The following CACNA1S variants were observed in gnomAD, a reference collection of about 807,000 sequenced individuals.
CACNA1S encodes calcium voltage-gated channel subunit alpha1 S.
CACNA1S carries 126 observed loss-of-function variants against 207.4 expected under a neutral mutation model. The observed-to-expected ratio is 0.61, with a 90% CI of 0.53 to 0.70. The LOEUF (loss-of-function observed/expected upper bound fraction) is 0.70. Among genes scored for constraint, CACNA1S ranks in the 30% least tolerant of loss-of-function variants. The pLI, the probability that CACNA1S is intolerant of heterozygous loss-of-function variation, is 0.00. For synonymous variants in CACNA1S, 960 were observed against 932.7 expected (o/e 1.03, Z -0.53); for missense variants, 2,349 against 2,422.8 (o/e 0.97, Z 0.64).
chr1:201,068,584 G>A lies in CACNA1S; in HGVS notation c.2550+553C>T, dbSNP rs66839237. ...AGCTAACTGTATGGAAGAAAAATGC[G>A]AGAGTTCGCTGGGCGAGGTGGCTCA... is the stretch of plus-strand genomic sequence containing the variant. On this transcript the variant is annotated intron_variant, in intron 19 of 43. Transcript: ENST00000362061. 4.0e-5 allele frequency among the ~76,000 whole-genome samples: 6 copies of A among 150,504 alleles called. No individual in the cohort carries two copies. The East Asian group carries it at 1.2e-3, about 30-fold the overall frequency.
intron 36 of CACNA1S, among the ~76,000 whole-genome samples, chr1:201,048,025 G>A (rs935606706): frequency 6.6e-6 from 1 of 152,228 alleles, no homozygotes; most frequent in Non-Finnish European, 1.5e-5. Flanking sequence ...TGCTAATGAA[G>A]CTCACCCTGA....
At chr1:201,052,680 C>A (rs1437294824) in intron 31 of CACNA1S, 32 bp from the exon 32 acceptor site, 2 of 1,562,528 alleles carry the variant, frequency 1.3e-6, no homozygotes, top group South Asian at 2.2e-5. Flanking sequence ...GACTGTGGAA[C>A]CTAGATTAAA....
chr1:201,048,646 G>A lies in CACNA1S; in HGVS notation c.4377C>T (p.Gly1459=), dbSNP rs138189035. Residue 1459 remains glycine, a synonymous_variant, in exon 36 of 44, where the codon GGC becomes GGT. Transcript: ENST00000362061. ...AGAGTGTGGCATTGAAGGTGACTGTGCCGTCGCTGTTCAGGGGCATGTTCA... is the reference window on the plus strand; with the variant it reads ...AGAGTGTGGCATTGAAGGTGACTGTACCGTCGCTGTTCAGGGGCATGTTCA... The part of the protein sequence containing the change: ...VGMNMPLNSD[G]TVTFNATLFA... 1.9e-5 allele frequency: 30 copies of A among 1,613,654 alleles called. No individual in the cohort carries two copies. In the African/African-American group the frequency reaches 3.5e-4, roughly 19 times the overall value.
chr1:201,070,422 G>C lies in CACNA1S; in HGVS notation c.2228-18C>G. 3.1e-6 allele frequency: 5 copies of C among 1,613,402 alleles called. No homozygotes were observed. The highest frequency in any genetic ancestry group is 4.2e-6 in the Non-Finnish European group (5 of 1,179,936). Reference sequence around the variant, plus strand: ...GTCATCCCCTGTGGGGAGAGAGAGAGGAATTAGGGGTGTCTTCCCATGCTT... The same window carrying C: ...GTCATCCCCTGTGGGGAGAGAGAGACGAATTAGGGGTGTCTTCCCATGCTT... On this transcript the variant is annotated intron_variant, in intron 16 of 43. Transcript: ENST00000362061.
chr1:201,097,354 C>T (rs547510400), intron 2 of CACNA1S, among the ~76,000 whole-genome samples: 1 of 152,264 alleles, frequency 6.6e-6, no homozygotes, highest in South Asian at 2.1e-4. Context: ...CCTTGCTGAC[C>T]CCTCTGGCCT....
intron 10 of CACNA1S, among the ~76,000 whole-genome samples, chr1:201,078,722 G>A (rs1240448671): frequency 6.6e-6 from 1 of 151,920 alleles, no homozygotes; most frequent in Non-Finnish European, 1.5e-5. Flanking sequence ...ATCCTCCCAC[G>A]CTTTGCCCCC....
intron 2 of CACNA1S, among the ~76,000 whole-genome samples, chr1:201,107,953 C>T (rs528461448): frequency 6.6e-6 from 1 of 152,276 alleles, no homozygotes; most frequent in South Asian, 2.1e-4. Flanking sequence ...TTGCAGGGAA[C>T]TCATAATACT....
intron 12 of CACNA1S, 58 bp downstream of exon 12, chr1:201,076,862 A>T: frequency 2.0e-6 from 3 of 1,489,754 alleles, no homozygotes; most frequent in Non-Finnish European, 2.8e-6. Context: ...ATCTTGAAGG[A>T]CAAGAAGCAG....
chr1:201,074,801 C>A (rs1354841074), intron 13 of CACNA1S, among the ~76,000 whole-genome samples, 181 bp from the exon 14 acceptor site: 1 of 152,202 alleles, frequency 6.6e-6, no homozygotes, highest in Non-Finnish European at 1.5e-5. Context: ...TGAGAGTACC[C>A]AGGAAGGAGC....
intron 34 of CACNA1S, 71 bp from the exon 35 acceptor site, chr1:201,049,170 T>C (rs1660571577): frequency 2.8e-6 from 3 of 1,060,612 alleles, no homozygotes; most frequent in African/African-American, 1.6e-5. Context: ...GCTCAGAGGA[T>C]GGGCAATGGG....
At chr1:201,057,687 C>T (rs1198769324) in intron 28 of CACNA1S, among the ~76,000 whole-genome samples, 2 of 152,182 alleles carry the variant, frequency 1.3e-5, no homozygotes, top group African/African-American at 2.4e-5. Context: ...AAGGGCTCAG[C>T]GCGGTGGCTC....
chr1:201,083,845 T>C (rs948544332), intron 9 of CACNA1S, among the ~76,000 whole-genome samples: 3 of 152,228 alleles, frequency 2.0e-5, no homozygotes. Flanking sequence ...ACTTGAACTC[T>C]TGTGCTCAAG....
At chr1:201,043,581 T>TG (rs772699395) in intron 39 of CACNA1S, 50 bp from the exon 40 acceptor site, 7 of 1,556,506 alleles carry the variant, frequency 4.5e-6, no homozygotes, top group Admixed American at 1.7e-5. Flanking sequence ...AGGGAGGGCA[T>TG]GGGGGGCTGT....
At position 201,053,638 on chromosome 1, in the gene CACNA1S, G is replaced by C. The variant is rs1220925143; in HGVS notation, c.3667-51C>G. 1 of 1,016,366 alleles carries C rather than the reference G, an allele frequency of 9.8e-7. No homozygotes were observed. The highest frequency in any genetic ancestry group is 1.5e-6 in the Non-Finnish European group (1 of 678,154). The allele number at this position is 1,016,366 out of a possible 1,614,324, so 63.0% of individuals were successfully genotyped here. On this transcript the variant is annotated intron_variant, in intron 29 of 43. Transcript: ENST00000362061. This position sits in a 1 kb window ranked among gnomAD's most constrained non-coding sequence, Gnocchi z 5.1. Reference sequence around the variant, plus strand: ...AGTCTGGGGGCAGAACCTCAGAGGGGTAAGGGGCAGGGCGGGGAGGGAGGT... The same window carrying C: ...AGTCTGGGGGCAGAACCTCAGAGGGCTAAGGGGCAGGGCGGGGAGGGAGGT...
At chr1:201,083,100 AT>A in intron 10 of CACNA1S, 61 bp downstream of exon 10, 1 of 1,580,942 alleles carries the variant, frequency 6.3e-7, no homozygotes, top group Non-Finnish European at 8.7e-7. Context: ...CCATTGGCTG[AT>A]TTTGACATCA....
At position 201,062,491 on chromosome 1, in the gene CACNA1S, G is replaced by A. The variant is rs138328785; in HGVS notation, c.2877C>T (p.Asp959=). Residue 959 remains aspartate, a synonymous_variant, in exon 23 of 44, where the codon GAC becomes GAT. Coordinates refer to ENST00000362061, the MANE Select transcript of CACNA1S (RefSeq NM_000069.3). ...LFKGKFFRCT[D]LSKMTEEECR... ...ACTCCTCCTCTGTCATCTTGGACAAGTCGGTGCACCTGAAGAACTTCCCCT... is the reference window on the plus strand; with the variant it reads ...ACTCCTCCTCTGTCATCTTGGACAAATCGGTGCACCTGAAGAACTTCCCCT... 8.7e-5 allele frequency: 141 copies of A among 1,613,766 alleles called. No individual in the cohort carries two copies. The highest frequency in any genetic ancestry group is 1.1e-4 in the Non-Finnish European group (132 of 1,179,874).
At chr1:201,105,069 C>T (rs1047544781) in intron 2 of CACNA1S, among the ~76,000 whole-genome samples, 20 of 152,286 alleles carry the variant, frequency 1.3e-4, no homozygotes, top group African/African-American at 4.6e-4. Context: ...TGCTGATTTG[C>T]TGGAGGACTG....
rs1661243175 is a variant in CACNA1S at position 201,066,400 on chromosome 1, C to T, written c.2658-84G>A. On this transcript the variant is annotated intron_variant, in intron 20 of 43. Coordinates refer to ENST00000362061, the MANE Select transcript of CACNA1S (RefSeq NM_000069.3). This position sits in a 1 kb window ranked among gnomAD's most constrained non-coding sequence, Gnocchi z 4.3. ...CGGTGGAGCCTCCAGCCATATCCTG[C>T]CCTCCACACCAGCTGCCTTTCTGCC... The T allele has an allele frequency of 2.7e-6, 3 of 1,129,562 alleles. No individual in the cohort carries two copies. Among genetic ancestry groups the T allele is most frequent in the Admixed American group, 3.4e-5 (2 of 59,112 alleles). The allele number at this position is 1,129,562 out of a possible 1,614,324, so 70.0% of individuals were successfully genotyped here.
intron 15 of CACNA1S, among the ~76,000 whole-genome samples, 158 bp downstream of exon 15, chr1:201,073,390 GC>G (rs1328645725): frequency 6.6e-6 from 1 of 152,128 alleles, no homozygotes. Context: ...AGATGGATTC[GC>G]TGGCTCTCCC....
Sources: gnomAD v4.1 joint callset for allele counts (sites outside exome capture counted in the v4.1 genomes callset) on GRCh38, gnomAD v4.1.1 for gene constraint, Gnocchi (gnomAD v3.1) non-coding constraint, MANE v1.5 for transcripts, NCBI Gene and HGNC (gene_info 2026-07-23, HGNC 2026-07-21) for gene names.